The following LRP12 variants were observed in gnomAD, a reference collection of about 807,000 sequenced individuals.
LRP12 encodes low-density lipoprotein receptor-related protein 12.
A neutral mutation model predicts 66.0 loss-of-function variants in LRP12; 14 were observed. The ratio of observed to expected loss-of-function variants is 0.21; its 90% CI spans 0.14 to 0.33. The LOEUF is 0.33. Among genes scored for constraint, LRP12 ranks in the 10% least tolerant of loss-of-function variants. The pLI is 1.00. For missense variants in LRP12, 889 were observed against 1,053.4 expected (o/e 0.84, Z 2.16); for synonymous variants, 357 against 359.1 (o/e 0.99, Z 0.07).
chr8:104,561,717 G>A (rs1811909745), intron 1 of LRP12, among the ~76,000 whole-genome samples: 1 of 152,114 alleles, frequency 6.6e-6, no homozygotes, highest in South Asian at 2.1e-4. Flanking sequence ...TCAACCAACT[G>A]CCTTCGTTAT....
Position 104,521,206 on chromosome 8 carries a change from T to C in LRP12, c.136+10701A>G, listed in dbSNP as rs532405869. 1.4e-4 allele frequency among the ~76,000 whole-genome samples: 21 copies of C among 152,116 alleles called. No individual in the cohort carries two copies. The South Asian group carries it at 4.4e-3, about 32-fold the overall frequency. On this transcript the variant is annotated intron_variant, in intron 2 of 6. Coordinates refer to ENST00000276654, the MANE Select transcript of LRP12 (RefSeq NM_013437.5). ...GCATCCCAAAACCAAAAATCTGAAG[T>C]GTGAAATGCTCCAATGAGCATTTCC...
chr8:104,548,133 A>C (rs1219922046), intron 1 of LRP12, among the ~76,000 whole-genome samples: 3 of 93,918 alleles, frequency 3.2e-5, no homozygotes, highest in Admixed American at 1.7e-4. Context: ...TATAATATAT[A>C]ATTATAATTA....
intron 2 of LRP12, among the ~76,000 whole-genome samples, chr8:104,511,341 ATTT>A (rs57946758): frequency 7.0e-6 from 1 of 143,270 alleles, no homozygotes; most frequent in African/African-American, 2.5e-5. Context: ...CGCGCCCAGC[ATTT>A]TTTTTTTTTT....
In LRP12 at chr8:104,491,047, CCT is replaced by C. The variant is rs761384042; in HGVS notation, c.2204_2205del (p.Gln735ArgfsTer26). ...QLTSALSRMT[Q>X]GLRWVRFTLG... ...AATGTAAAACGTACCCAGCGTAGCC[CCT>C]GAGTCATACGACTGAGTGCACTTGT... is the stretch of plus-strand genomic sequence containing the variant. On this transcript the variant is annotated frameshift_variant, in exon 7 of 7. Coordinates refer to ENST00000276654, the MANE Select transcript of LRP12 (RefSeq NM_013437.5). LOFTEE classifies it high-confidence loss of function. The C allele has an allele frequency of 8.1e-6, 13 of 1,614,002 alleles. No homozygotes were observed. The highest frequency in any genetic ancestry group is 2.2e-5 in the East Asian group (1 of 44,892).
intron 1 of LRP12, among the ~76,000 whole-genome samples, chr8:104,566,817 A>C (rs1812011689): frequency 6.6e-6 from 1 of 152,186 alleles, no homozygotes; most frequent in East Asian, 1.9e-4. Flanking sequence ...GTTTAAACAA[A>C]GTTATAGATC....
chr8:104,548,330 A>T (rs1195932353), intron 1 of LRP12, among the ~76,000 whole-genome samples: 2 of 8,668 alleles, frequency 2.3e-4, no homozygotes, highest in African/African-American at 2.4e-3. Flanking sequence ...TATAATATAT[A>T]TTATATAAAT....
chr8:104,565,899 G>A (rs1811993131), intron 1 of LRP12, among the ~76,000 whole-genome samples: 1 of 144,218 alleles, frequency 6.9e-6, no homozygotes, highest in Non-Finnish European at 1.5e-5. Flanking sequence ...CCCCATACAT[G>A]TTACTTGGTT....
chr8:104,569,524 T>C (rs1441460906), intron 1 of LRP12, among the ~76,000 whole-genome samples: 4 of 152,124 alleles, frequency 2.6e-5, no homozygotes, highest in Non-Finnish European at 4.4e-5. Flanking sequence ...TGTAATCCAT[T>C]ATACTAACAG....
At chr8:104,502,007 G>C (rs960669044) in intron 3 of LRP12, among the ~76,000 whole-genome samples, 2 of 152,084 alleles carry the variant, frequency 1.3e-5, no homozygotes, top group Admixed American at 6.6e-5. Context: ...TTTTCAAGTA[G>C]AAAATGAGAT....
chr8:104,523,851 T>C (rs932573063), intron 2 of LRP12, among the ~76,000 whole-genome samples: 1 of 152,208 alleles, frequency 6.6e-6, no homozygotes, highest in Admixed American at 6.5e-5. Flanking sequence ...AAATAGATAA[T>C]GTAAACTTAC....
At chr8:104,520,916 GTTCACT>G (rs1811138233) in intron 2 of LRP12, among the ~76,000 whole-genome samples, 1 of 151,932 alleles carries the variant, frequency 6.6e-6, no homozygotes, top group Non-Finnish European at 1.5e-5. Flanking sequence ...GCCTTTTTAC[GTTCACT>G]AGGTTTGGCT....
chr8:104,493,945 G>C (rs540480874), intron 6 of LRP12, among the ~76,000 whole-genome samples: 95 of 152,182 alleles, frequency 6.2e-4, no homozygotes, highest in African/African-American at 1.9e-3. Context: ...AACTGTAATC[G>C]CAAGTGAGCT....
At chr8:104,585,101 T>C (rs1370042218) in intron 1 of LRP12, among the ~76,000 whole-genome samples, 2 of 152,250 alleles carry the variant, frequency 1.3e-5, no homozygotes, top group African/African-American at 4.8e-5. Flanking sequence ...TCAATCAGTA[T>C]ATGCTGTGAA....
At chr8:104,528,309 G>T (rs1380484016) in intron 2 of LRP12, among the ~76,000 whole-genome samples, 4 of 152,136 alleles carry the variant, frequency 2.6e-5, no homozygotes, top group African/African-American at 7.2e-5. Flanking sequence ...CCATTTCTGT[G>T]GCTTGCTGAT....
chr8:104,494,938 CTA>C, intron 6 of LRP12, 137 bp downstream of exon 6: 1 of 663,924 alleles, frequency 1.5e-6, no homozygotes, highest in South Asian at 2.8e-5. Flanking sequence ...ATAATGAAAA[CTA>C]TGACTTCAAA....
intron 1 of LRP12, among the ~76,000 whole-genome samples, chr8:104,540,505 T>A (rs1362631633): frequency 6.6e-6 from 1 of 152,134 alleles, no homozygotes; most frequent in African/African-American, 2.4e-5. Context: ...TATAATGAGA[T>A]GTTTACTTTT....
rs933410211 is a variant in LRP12, at chr8:104,534,904, C to T, written c.80-2941G>A. Reference sequence around the variant, plus strand: ...ATTCTCCTTAATGCCCCCTCCCAAACCCCAAGAAAATTTCATATATATGAA... The same window carrying T: ...ATTCTCCTTAATGCCCCCTCCCAAATCCCAAGAAAATTTCATATATATGAA... On this transcript the variant is annotated intron_variant, in intron 1 of 6. Transcript: ENST00000276654. Among the ~76,000 whole-genome samples the T allele has an allele frequency of 5.9e-5, 9 of 151,724 alleles. No individual in the cohort carries two copies. In the East Asian group the frequency reaches 1.7e-3, roughly 29 times the overall value.
intron 1 of LRP12, among the ~76,000 whole-genome samples, chr8:104,577,833 A>G (rs971889084): frequency 6.6e-6 from 1 of 151,906 alleles, no homozygotes; most frequent in African/African-American, 2.4e-5. Flanking sequence ...AAAAAGAAAA[A>G]GAAAGTTCTT....
intron 1 of LRP12, among the ~76,000 whole-genome samples, chr8:104,588,100 G>GT (rs1812363259): frequency 6.6e-6 from 1 of 152,226 alleles, no homozygotes. Context: ...CTGGAATAAA[G>GT]TAACAGTGAC....
Sources: allele counts gnomAD v4.1 joint callset (sites outside exome capture counted in the v4.1 genomes callset), GRCh38; gene constraint gnomAD v4.1.1; transcripts MANE v1.5; gene names NCBI Gene and HGNC (gene_info 2026-07-23, HGNC 2026-07-21).